Variants in PSMA1 observed in about 807,000 individuals in gnomAD.
PSMA1 encodes proteasome 20S subunit alpha 1.
In PSMA1, 3 loss-of-function variants were observed where a neutral mutation model predicts 38.4. That is an observed-to-expected ratio of 0.08 (90% CI 0.04 to 0.20). PSMA1 has a LOEUF of 0.20. Among genes scored for constraint, PSMA1 ranks in the 10% least tolerant of loss-of-function variants. The pLI is 1.00. For synonymous variants in PSMA1, 101 were observed against 107.1 expected (o/e 0.94, Z 0.35); for missense variants, 227 against 325.3 (o/e 0.70, Z 2.32).
chr11:14,565,358 T>G (rs570255646), intron 2 of PSMA1, among the ~76,000 whole-genome samples: 1 of 152,314 alleles, frequency 6.6e-6, no homozygotes, highest in East Asian at 1.9e-4. Flanking sequence ...GTTTTGTTAA[T>G]TTTCTCTATT....
At chr11:14,530,323 C>T (rs1311830573) in intron 2 of PSMA1, among the ~76,000 whole-genome samples, 1 of 152,150 alleles carries the variant, frequency 6.6e-6, no homozygotes, top group Non-Finnish European at 1.5e-5. Context: ...AAAACAGTTC[C>T]CTTTCCACTC....
intron 2 of PSMA1, chr11:14,610,782 A>T: frequency 1.7e-6 from 1 of 590,066 alleles, no homozygotes; most frequent in Non-Finnish European, 2.9e-6. Context: ...GATTTGCTGG[A>T]TTTGAGCATC....
At chr11:14,582,187 G>C (rs940647840) in intron 2 of PSMA1, among the ~76,000 whole-genome samples, 5 of 151,952 alleles carry the variant, frequency 3.3e-5, no homozygotes, top group Admixed American at 2.0e-4. Flanking sequence ...TTTAAAAACA[G>C]GTATAAAAGT....
chr11:14,567,254 T>C (rs1304799660), intron 2 of PSMA1, among the ~76,000 whole-genome samples: 1 of 152,194 alleles, frequency 6.6e-6, no homozygotes, highest in Non-Finnish European at 1.5e-5. Flanking sequence ...AGATTGCCTC[T>C]TGTGTCTGTT....
chr11:14,513,441 C>A, intron 7 of PSMA1, 129 bp downstream of exon 7: 1 of 1,024,470 alleles, frequency 9.8e-7, no homozygotes, highest in South Asian at 3.8e-5. Flanking sequence ...TCTTCATGGG[C>A]ATAATTTTTT....
At chr11:14,586,631 G>T (rs1316761458) in intron 2 of PSMA1, among the ~76,000 whole-genome samples, 1 of 152,034 alleles carries the variant, frequency 6.6e-6, no homozygotes, top group African/African-American at 2.4e-5. Context: ...AGTTTTTTCT[G>T]TGTGGAATAC....
At chr11:14,636,281 C>T (rs544724655) in intron 1 of PSMA1, among the ~76,000 whole-genome samples, 1 of 152,126 alleles carries the variant, frequency 6.6e-6, no homozygotes, top group African/African-American at 2.4e-5. Flanking sequence ...TTCATTGACA[C>T]CCGTGGTTAC....
chr11:14,601,802 C>A (rs1011617820), intron 2 of PSMA1, among the ~76,000 whole-genome samples: 27 of 152,180 alleles, frequency 1.8e-4, no homozygotes, highest in African/African-American at 6.3e-4. Context: ...TCCAAGTTGT[C>A]TAACTCTCAA....
intron 2 of PSMA1, among the ~76,000 whole-genome samples, chr11:14,574,416 T>G (rs554471378): frequency 2.6e-5 from 4 of 152,306 alleles, no homozygotes; most frequent in Admixed American, 6.5e-5. Flanking sequence ...TTGGTAGCTT[T>G]CACACGGTGT....
intron 1 of PSMA1, among the ~76,000 whole-genome samples, chr11:14,613,879 C>T (rs1225849035): frequency 6.6e-6 from 1 of 152,170 alleles, no homozygotes; most frequent in Non-Finnish European, 1.5e-5. Flanking sequence ...GTTTTTCATA[C>T]ATTTATATAT....
At chr11:14,546,027 G>A (rs1851822409) in intron 2 of PSMA1, among the ~76,000 whole-genome samples, 1 of 152,134 alleles carries the variant, frequency 6.6e-6, no homozygotes, top group Non-Finnish European at 1.5e-5. Flanking sequence ...CTTTGGGGGG[G>A]TCCATCAAGC....
chr11:14,628,033 G>C lies in PSMA1; in HGVS notation c.-166+15422C>G, dbSNP rs191988389. Among the ~76,000 whole-genome samples, 672 of 152,286 alleles carry C rather than the reference G, an allele frequency of 4.4e-3. 5 individuals are homozygous for C. Among genetic ancestry groups the C allele is most frequent in the Non-Finnish European group, 7.3e-3 (494 of 68,028 alleles). ...GGCAGATGAGTGAGCCTTACCGCTT[G>C]AGCTCCACCTCCTGTCAGATCAGCA... On this transcript the variant is annotated intron_variant, in intron 1 of 10. Coordinates refer to the PSMA1 transcript ENST00000418988.
chr11:14,615,557 T>C (rs922792835), intron 1 of PSMA1, among the ~76,000 whole-genome samples: 1 of 152,200 alleles, frequency 6.6e-6, no homozygotes, highest in African/African-American at 2.4e-5. Flanking sequence ...TTCTGAAGTT[T>C]GGTAATAGCT....
At chr11:14,524,448 T>G (rs558708418), upstream of PSMA1, among the ~76,000 whole-genome samples, 2 of 152,156 alleles carry the variant, frequency 1.3e-5, no homozygotes, top group Non-Finnish European at 2.9e-5. Flanking sequence ...CCCCCACCCT[T>G]AAGAAGGTTC....
At chr11:14,580,645 A>G (rs1225613410) in intron 2 of PSMA1, among the ~76,000 whole-genome samples, 2 of 152,228 alleles carry the variant, frequency 1.3e-5, no homozygotes, top group Non-Finnish European at 2.9e-5. Context: ...TTGCTGAAAA[A>G]TGAAAGGATC....
intron 2 of PSMA1, among the ~76,000 whole-genome samples, chr11:14,546,154 T>C (rs200481924): frequency 1.2e-4 from 16 of 132,448 alleles, no homozygotes; most frequent in East Asian, 8.0e-4. Context: ...CTCTCTCTTT[T>C]TTTTTTTTTT....
At chr11:14,532,711 G>A (rs1851661177) in intron 2 of PSMA1, among the ~76,000 whole-genome samples, 1 of 152,118 alleles carries the variant, frequency 6.6e-6, no homozygotes, top group East Asian at 1.9e-4. Context: ...ACTCTGGGAG[G>A]CCAAGGCGGG....
intron 2 of PSMA1, among the ~76,000 whole-genome samples, chr11:14,605,026 T>C (rs1040742145): frequency 1.3e-5 from 2 of 152,222 alleles, no homozygotes; most frequent in East Asian, 1.9e-4. Flanking sequence ...AGAATACATA[T>C]GCATTTTTGG....
At chr11:14,612,587 T>C (rs1390874525) in intron 1 of PSMA1, among the ~76,000 whole-genome samples, 1 of 152,196 alleles carries the variant, frequency 6.6e-6, no homozygotes, top group Non-Finnish European at 1.5e-5. Context: ...GCAACTGATA[T>C]TGTGCTAGGT....
Sources: allele counts gnomAD v4.1 joint callset (sites outside exome capture counted in the v4.1 genomes callset), GRCh38; gene constraint gnomAD v4.1.1; transcripts MANE v1.5; gene names NCBI Gene and HGNC (gene_info 2026-07-23, HGNC 2026-07-21).